MME: variants seen among roughly 807,000 people sequenced by gnomAD.
The protein encoded by MME is neprilysin.
A neutral mutation model predicts 113.2 loss-of-function variants in MME; 98 were observed. That is an observed-to-expected ratio of 0.87 (90% CI 0.74 to 1.02). The LOEUF (loss-of-function observed/expected upper bound fraction) is 1.02, where lower values mean the gene tolerates loss of function less well. Among genes scored for constraint, MME ranks in the 50% least tolerant of loss-of-function variants. MME has a pLI of 0.00. For synonymous variants in MME, 292 were observed against 300.6 expected, an observed-to-expected ratio of 0.97 and a Z score of 0.30; for missense variants, 836 against 896.0, an observed-to-expected ratio of 0.93 and a Z score of 0.86.
chr3:155,046,116 T>C (rs1447090043), intron 1 of MME, among the ~76,000 whole-genome samples: 1 of 152,166 alleles, frequency 6.6e-6, no homozygotes, highest in African/African-American at 2.4e-5. Context: ...TATCCATGTA[T>C]GTTAGACTTT....
chr3:155,032,739 CA>C (rs1219060449), intron 1 of MME, among the ~76,000 whole-genome samples: 1 of 152,104 alleles, frequency 6.6e-6, no homozygotes. Context: ...CTAAAATAAT[CA>C]AAAGGGTCAG....
intron 1 of MME, among the ~76,000 whole-genome samples, chr3:155,044,713 T>C (rs913284656): frequency 1.3e-5 from 2 of 152,258 alleles, no homozygotes; most frequent in Middle Eastern, 3.4e-3. Context: ...TGGATTTTTG[T>C]CAAATATATT....
At chr3:155,107,799 C>T (rs569956342) in intron 3 of MME, among the ~76,000 whole-genome samples, 9 of 152,292 alleles carry the variant, frequency 5.9e-5, no homozygotes, top group Admixed American at 2.0e-4. Flanking sequence ...GAACTATAGA[C>T]AAGGATCCTT....
chr3:155,042,918 A>ATATATATATATATATATG (rs1559890063), intron 1 of MME, among the ~76,000 whole-genome samples: 475 of 53,338 alleles, frequency 8.9e-3, no homozygotes, highest in Non-Finnish European at 0.014. Flanking sequence ...ATATATATAT[A>ATATATATATATATATATG]TATATATATA....
chr3:155,087,569 T>C (rs61762337), intron 3 of MME, among the ~76,000 whole-genome samples: 51 of 152,176 alleles, frequency 3.4e-4, no homozygotes, highest in Non-Finnish European at 5.4e-4. Flanking sequence ...TACCCTATTA[T>C]ATGCTCAGGC....
At chr3:155,160,496 A>G in intron 17 of MME, 48 bp downstream of exon 17, 1 of 1,253,870 alleles carries the variant, frequency 8.0e-7, no homozygotes, top group African/African-American at 1.5e-5. Flanking sequence ...TATCGTTCCC[A>G]ACCTGTAGTG....
At chr3:155,156,756 A>G (rs1224071162) in intron 16 of MME, among the ~76,000 whole-genome samples, 4 of 152,170 alleles carry the variant, frequency 2.6e-5, no homozygotes, top group Non-Finnish European at 4.4e-5. Flanking sequence ...CAGAAAATCT[A>G]TCGTATTGCA....
intron 16 of MME, 63 bp downstream of exon 16, chr3:155,148,716 T>C (rs1721710436): frequency 8.1e-7 from 1 of 1,227,802 alleles, no homozygotes; most frequent in South Asian, 1.2e-5. Context: ...CTTTCTTTGT[T>C]GGATTAAGTG....
rs148033229 is a variant in MME, at chr3:155,118,147, G to C, written c.655-599G>C. ...CAGAGCAGCTTTGAGGAGAACCAAG[G>C]AGAAGTCGCCTCCATTCCCTTAGGG... On this transcript the variant is annotated intron_variant, in intron 7 of 22. Coordinates refer to ENST00000360490, the MANE Select transcript of MME (RefSeq NM_007289.4). Among the ~76,000 whole-genome samples the C allele has an allele frequency of 7.5e-4, 114 of 152,288 alleles. No individual in the cohort carries two copies. The Middle Eastern group carries it at 0.017, about 23-fold the overall frequency.
intron 8 of MME, among the ~76,000 whole-genome samples, chr3:155,133,239 T>C (rs1720312345): frequency 6.6e-6 from 1 of 151,352 alleles, no homozygotes; most frequent in South Asian, 2.1e-4. Context: ...CCAGATAAAT[T>C]TGGAAGTCAG....
rs143813504 is a variant in MME, at chr3:155,043,610, G to A, written c.-11+19286G>A. Among the ~76,000 whole-genome samples, 269 of 152,220 alleles carry A rather than the reference G, an allele frequency of 1.8e-3. 1 individual carries two copies. The highest frequency in any genetic ancestry group is 6.4e-3 in the African/African-American group (265 of 41,550). ...GCCTCACGAAGTGCTGGGATTACAG[G>A]TGTGAGCCACTGCGTCCAGCCTTAT... is the stretch of plus-strand genomic sequence containing the variant. On this transcript the variant is annotated intron_variant, in intron 1 of 22. Transcript: ENST00000492661.
intron 8 of MME, among the ~76,000 whole-genome samples, chr3:155,126,725 C>A (rs370034532): frequency 1.3e-5 from 2 of 151,842 alleles, no homozygotes; most frequent in African/African-American, 4.8e-5. Flanking sequence ...ATTGGCTGGG[C>A]GCAGTGGCTC....
chr3:155,145,557 A>C (rs925009324), intron 14 of MME, among the ~76,000 whole-genome samples: 32 of 152,088 alleles, frequency 2.1e-4, no homozygotes, highest in Non-Finnish European at 3.4e-4. Context: ...GCCCTTTATA[A>C]CATACCTGGC....
chr3:155,144,583 T>C, intron 14 of MME, 126 bp downstream of exon 14: 2 of 663,510 alleles, frequency 3.0e-6, no homozygotes, highest in South Asian at 3.6e-5. Context: ...CTTCAATATG[T>C]AGTGTTTCCA....
intron 1 of MME, among the ~76,000 whole-genome samples, chr3:155,024,967 G>A (rs1712733646): frequency 6.6e-6 from 1 of 151,846 alleles, no homozygotes; most frequent in African/African-American, 2.4e-5. Context: ...AAAAATAGCT[G>A]AAAAAGTGTG....
In MME at chr3:155,172,148, A is replaced by C. The variant is rs1712036366; in HGVS notation, c.2012A>C (p.Glu671Ala). ...CAGAATTATATTAAAAAGAATGGCG[A>C]AGAAAAATTACTTCCTGGACTTGAC... ...AYQNYIKKNG[E>A]EKLLPGLDLN... The change falls in exon 21 of 23, where the codon GAA becomes GCA. Residue 671 changes from glutamate (E) to alanine (A), a missense_variant. Transcript: ENST00000360490. 1 of 1,610,888 alleles carries C rather than the reference A, an allele frequency of 6.2e-7. No individual in the cohort carries two copies. Among genetic ancestry groups the C allele is most frequent in the East Asian group, 2.2e-5 (1 of 44,688 alleles).
At chr3:155,044,390 C>T (rs1713473964) in intron 1 of MME, among the ~76,000 whole-genome samples, 1 of 152,002 alleles carries the variant, frequency 6.6e-6, no homozygotes, top group African/African-American at 2.4e-5. Context: ...GCCTCGGCCT[C>T]CCAGAGTACT....
At chr3:155,078,045 T>TACACACACACAC (rs34585642), upstream of MME, among the ~76,000 whole-genome samples, 157 of 139,842 alleles carry the variant, frequency 1.1e-3, no homozygotes, top group African/African-American at 3.8e-3. Context: ...AAAGTAAAAG[T>TACACACACACAC]ACACACACAC....
chr3:155,061,448 C>A (rs1264454760), intron 1 of MME, among the ~76,000 whole-genome samples: 1 of 112,072 alleles, frequency 8.9e-6, no homozygotes, highest in African/African-American at 3.6e-5. Flanking sequence ...GAGGCTCCAT[C>A]TCAAAAAAAA....
Sources: gnomAD v4.1 joint callset for allele counts (sites outside exome capture counted in the v4.1 genomes callset) on GRCh38, gnomAD v4.1.1 for gene constraint, MANE v1.5 for transcripts, NCBI Gene and HGNC (gene_info 2026-07-23, HGNC 2026-07-21) for gene names.